The following PDZRN4 variants were observed in gnomAD, a reference collection of about 807,000 sequenced individuals.
PDZRN4 encodes PDZ domain-containing RING finger protein 4.
A neutral mutation model predicts 99.0 loss-of-function variants in PDZRN4; 70 were observed. The observed-to-expected ratio is 0.71, with a 90% CI of 0.58 to 0.86. PDZRN4 has a LOEUF of 0.86. Among genes scored for constraint, PDZRN4 ranks in the 40% least tolerant of loss-of-function variants. The pLI is 0.00. For missense variants in PDZRN4, 1,474 were observed against 1,331.2 expected, an observed-to-expected ratio of 1.11 and a Z score of -1.67; for synonymous variants, 551 against 501.6, an observed-to-expected ratio of 1.10 and a Z score of -1.32.
chr12:41,443,302 G>A (rs546158220), intron 3 of PDZRN4, among the ~76,000 whole-genome samples: 17 of 152,186 alleles, frequency 1.1e-4, no homozygotes, highest in Admixed American at 5.2e-4. Flanking sequence ...GGAGAAGAAG[G>A]GAGGAGAAAC....
chr12:41,334,878 C>A (rs539904563), intron 3 of PDZRN4, among the ~76,000 whole-genome samples: 1 of 151,622 alleles, frequency 6.6e-6, no homozygotes, highest in Non-Finnish European at 1.5e-5. Context: ...TTTTTCAAAC[C>A]GCTATATATT....
At chr12:41,202,069 A>G (rs930906595) in intron 3 of PDZRN4, among the ~76,000 whole-genome samples, 1 of 152,148 alleles carries the variant, frequency 6.6e-6, no homozygotes, top group Non-Finnish European at 1.5e-5. Context: ...TTGAACAAAA[A>G]CATGATTGAT....
chr12:41,287,977 C>T (rs1565542488), intron 3 of PDZRN4, among the ~76,000 whole-genome samples: 1 of 152,142 alleles, frequency 6.6e-6, no homozygotes, highest in African/African-American at 2.4e-5. Context: ...AGTGAAGCCC[C>T]TTTGTTTGGG....
At chr12:41,353,987 A>G (rs111302201) in intron 3 of PDZRN4, among the ~76,000 whole-genome samples, 3,849 of 152,196 alleles carry the variant, frequency 0.025, 147 homozygotes, top group African/African-American at 0.087. Flanking sequence ...CTTTATGAAG[A>G]TTAACATCAG....
chr12:41,275,048 C>G (rs1294182645), intron 3 of PDZRN4, among the ~76,000 whole-genome samples: 1 of 152,076 alleles, frequency 6.6e-6, no homozygotes, highest in Non-Finnish European at 1.5e-5. Context: ...CTACAGGGAT[C>G]AGTGCTTTAG....
Position 41,246,928 on chromosome 12 carries a change from T to A in PDZRN4, c.843+52740T>A, listed in dbSNP as rs578006794. Among the ~76,000 whole-genome samples the A allele has an allele frequency of 4.6e-5, 7 of 152,316 alleles. No homozygotes were observed. In the South Asian group the frequency reaches 1.4e-3, roughly 32 times the overall value. Reference sequence around the variant, plus strand: ...GAAAGGTACAGAGATCATTCTGTATTGAGTCTTCGGCTAGGATATTTTGCC... The same window carrying A: ...GAAAGGTACAGAGATCATTCTGTATAGAGTCTTCGGCTAGGATATTTTGCC... On this transcript the variant is annotated intron_variant, in intron 3 of 9. Coordinates refer to ENST00000402685, the MANE Select transcript of PDZRN4 (RefSeq NM_001164595.2).
rs116870271 is a variant in PDZRN4 at position 41,550,271 on chromosome 12, G to A, written c.1204-2385G>A. ...GTGCTTTGTTAGGGCATTGAAAGTCGGTGGATTTCAGCTTTGGCTACAGCT... is the reference window on the plus strand; with the variant it reads ...GTGCTTTGTTAGGGCATTGAAAGTCAGTGGATTTCAGCTTTGGCTACAGCT... On this transcript the variant is annotated intron_variant, in intron 5 of 9. Transcript: ENST00000402685. 6.4e-4 allele frequency among the ~76,000 whole-genome samples: 97 copies of A among 152,224 alleles called. No homozygotes were observed. In the East Asian group the frequency reaches 0.014, roughly 22 times the overall value.
chr12:41,422,118 T>C (rs558154796), intron 3 of PDZRN4, among the ~76,000 whole-genome samples: 4 of 152,188 alleles, frequency 2.6e-5, no homozygotes, highest in Admixed American at 1.3e-4. Context: ...GTTATCAATT[T>C]TGCTTTCATT....
intron 3 of PDZRN4, among the ~76,000 whole-genome samples, chr12:41,468,512 T>G (rs781187172): frequency 2.0e-5 from 3 of 152,204 alleles, no homozygotes; most frequent in Non-Finnish European, 4.4e-5. Flanking sequence ...CCAGAAAGCC[T>G]GAAATGTCAA....
intron 3 of PDZRN4, among the ~76,000 whole-genome samples, chr12:41,474,217 G>C (rs975591733): frequency 6.6e-6 from 1 of 152,190 alleles, no homozygotes; most frequent in Admixed American, 6.5e-5. Context: ...TATGTACTAC[G>C]TGTCAGACAC....
intron 3 of PDZRN4, among the ~76,000 whole-genome samples, chr12:41,383,109 T>C (rs1952138993): frequency 1.3e-5 from 2 of 152,236 alleles, no homozygotes; most frequent in African/African-American, 2.4e-5. Context: ...AACACCTGAT[T>C]ATGCTTCTAG....
At chr12:41,293,685 A>G (rs1951472082) in intron 3 of PDZRN4, among the ~76,000 whole-genome samples, 1 of 152,196 alleles carries the variant, frequency 6.6e-6, no homozygotes, top group African/African-American at 2.4e-5. Flanking sequence ...AAATTACCAG[A>G]GGATGTGACA....
intron 3 of PDZRN4, among the ~76,000 whole-genome samples, chr12:41,425,811 T>C (rs969018293): frequency 1.3e-5 from 2 of 152,158 alleles, no homozygotes; most frequent in Non-Finnish European, 1.5e-5. Flanking sequence ...CCTATCAAAA[T>C]ATAGTGGGTT....
At chr12:41,552,050 T>C (rs1939065886) in intron 5 of PDZRN4, among the ~76,000 whole-genome samples, 1 of 152,196 alleles carries the variant, frequency 6.6e-6, no homozygotes, top group African/African-American at 2.4e-5. Context: ...CAAATGGCTT[T>C]TGATGTCTCT....
At chr12:41,487,539 T>C (rs1379787966) in intron 3 of PDZRN4, among the ~76,000 whole-genome samples, 1 of 152,212 alleles carries the variant, frequency 6.6e-6, no homozygotes, top group Non-Finnish European at 1.5e-5. Context: ...ACTATGTGTA[T>C]TAAAAAGTGT....
rs1209795220 is a variant in PDZRN4, at chr12:41,271,106, A to G, written c.843+76918A>G. On this transcript the variant is annotated intron_variant, in intron 3 of 9. Coordinates refer to ENST00000402685, the MANE Select transcript of PDZRN4 (RefSeq NM_001164595.2). The stretch of plus-strand genomic sequence containing the variant: ...TGTGTTTTATATTATCTAAACCTCA[A>G]TGTATATAAATATTCTTATCTCATC... Among the ~76,000 whole-genome samples the G allele has an allele frequency of 3.9e-5, 6 of 152,098 alleles. No homozygotes were observed. In the East Asian group the frequency reaches 9.6e-4, roughly 24 times the overall value.
chr12:41,410,653 A>C (rs1309886295), intron 3 of PDZRN4, among the ~76,000 whole-genome samples: 1 of 152,162 alleles, frequency 6.6e-6, no homozygotes, highest in Non-Finnish European at 1.5e-5. Context: ...TGCTGCATTG[A>C]AAAGAATGAT....
chr12:41,303,085 A>G (rs1006183246), intron 3 of PDZRN4, among the ~76,000 whole-genome samples: 2 of 152,046 alleles, frequency 1.3e-5, no homozygotes, highest in African/African-American at 4.8e-5. Flanking sequence ...GCCGTGGCAC[A>G]CATGATCTGA....
At chr12:41,499,638 G>A (rs1938075546) in intron 3 of PDZRN4, among the ~76,000 whole-genome samples, 1 of 152,042 alleles carries the variant, frequency 6.6e-6, no homozygotes. Flanking sequence ...AGTTGCAACA[G>A]ATACATCCTC....
Sources: gnomAD v4.1 joint callset for allele counts (sites outside exome capture counted in the v4.1 genomes callset) on GRCh38, gnomAD v4.1.1 for gene constraint, MANE v1.5 for transcripts, NCBI Gene and HGNC (gene_info 2026-07-23, HGNC 2026-07-21) for gene names.